The following LUC7L2 variants were observed in gnomAD, a reference collection of about 807,000 sequenced individuals.
LUC7L2 encodes LUC7 like 2, pre-mRNA splicing factor.
In LUC7L2, 25 loss-of-function variants were observed where a neutral mutation model predicts 52.8. The observed-to-expected ratio is 0.47, with a 90% CI of 0.34 to 0.66. The LOEUF (loss-of-function observed/expected upper bound fraction) is 0.66, where lower values mean the gene tolerates loss of function less well. Among genes scored for constraint, LUC7L2 ranks in the 30% least tolerant of loss-of-function variants. The pLI is 0.01. For synonymous variants in LUC7L2, 144 were observed against 160.9 expected (o/e 0.89, Z 0.80); for missense variants, 328 against 497.8 (o/e 0.66, Z 3.25).
At chr7:139,361,621 A>G (rs956943033) in intron 1 of LUC7L2, among the ~76,000 whole-genome samples, 4 of 152,228 alleles carry the variant, frequency 2.6e-5, no homozygotes, top group African/African-American at 7.2e-5. Context: ...TAGAGAGGAA[A>G]GATTGGGAAG....
At chr7:139,374,380 C>T (rs1199110543) in intron 1 of LUC7L2, 1 of 1,537,384 alleles carries the variant, frequency 6.5e-7, no homozygotes, top group Non-Finnish European at 8.8e-7. Flanking sequence ...AACAATCTGG[C>T]CCCTTGTTTT....
rs1799243631 is a variant in LUC7L2, at chr7:139,345,764, T to C, written c.-26+5247T>C. ...GAGAATTGAATAATTTCTATCAATA[T>C]GTATTTATCATTAAATTTTTTTTAA... On this transcript the variant is annotated intron_variant, in intron 1 of 10. Coordinates refer to the LUC7L2 transcript ENST00000541170. The C allele has an allele frequency of 2.0e-6, 3 of 1,478,562 alleles. No homozygotes were observed. In the African/African-American group the frequency reaches 4.3e-5, roughly 21 times the overall value. The allele number at this position is 1,478,562 out of a possible 1,614,324, so 91.6% of individuals were successfully genotyped here.
intron 1 of LUC7L2, among the ~76,000 whole-genome samples, chr7:139,367,462 AGTT>A (rs1171452146): frequency 7.9e-5 from 12 of 152,216 alleles, no homozygotes; most frequent in African/African-American, 2.7e-4. Context: ...AAAAATTAGA[AGTT>A]GTTAAATTTA....
intron 1 of LUC7L2, among the ~76,000 whole-genome samples, chr7:139,365,132 C>T (rs1199575319): frequency 6.6e-6 from 1 of 152,148 alleles, no homozygotes; most frequent in Admixed American, 6.5e-5. Context: ...AAAGCACCTG[C>T]ATAGTGAATC....
intron 5 of LUC7L2, among the ~76,000 whole-genome samples, 173 bp from the exon 6 acceptor site, chr7:139,407,001 G>GTTTTTTTTTTTTT (rs58914782): frequency 1.8e-5 from 2 of 110,456 alleles, no homozygotes; most frequent in Non-Finnish European, 1.9e-5. Context: ...TGCTTTTGTG[G>GTTTTTTTTTTTTT]TTTTTTTTTT....
chr7:139,403,663 G>T (rs1795007712), intron 4 of LUC7L2, among the ~76,000 whole-genome samples: 1 of 152,154 alleles, frequency 6.6e-6, no homozygotes, highest in African/African-American at 2.4e-5. Context: ...CTACACAAAT[G>T]CTGTATAACA....
In LUC7L2 at chr7:139,368,349, T is replaced by G. The variant is rs549600725; in HGVS notation, c.62-7713T>G. ...TTCTGTGATAGTGATTATAGGTGTC[T>G]GCATTTAAAAAAATGTTTTAAAAAG... On this transcript the variant is annotated intron_variant, in intron 1 of 9. Coordinates refer to ENST00000354926, the MANE Select transcript of LUC7L2 (RefSeq NM_016019.5). 6.6e-5 allele frequency among the ~76,000 whole-genome samples: 10 copies of G among 152,358 alleles called. No homozygotes were observed. In the East Asian group the frequency reaches 1.5e-3, roughly 23 times the overall value.
chr7:139,390,557 G>GT (rs528049490), intron 2 of LUC7L2, among the ~76,000 whole-genome samples: 41,740 of 125,096 alleles, frequency 0.33, 9,892 homozygotes, highest in African/African-American at 0.69. Context: ...AGACAATGTA[G>GT]TTTTTTTTTT....
At chr7:139,383,171 A>G (rs999599794) in intron 2 of LUC7L2, among the ~76,000 whole-genome samples, 2 of 152,054 alleles carry the variant, frequency 1.3e-5, no homozygotes, top group Non-Finnish European at 2.9e-5. Context: ...GATGGAGTGC[A>G]GTGGCACGAT....
intron 6 of LUC7L2, among the ~76,000 whole-genome samples, chr7:139,407,561 C>G (rs1795179779): frequency 1.3e-5 from 2 of 152,186 alleles, no homozygotes; most frequent in South Asian, 4.2e-4. Context: ...TTGGGAGTTA[C>G]CATTTTATAT....
At chr7:139,361,147 TAAATA>T (rs1799861787) in intron 1 of LUC7L2, among the ~76,000 whole-genome samples, 1 of 152,262 alleles carries the variant, frequency 6.6e-6, no homozygotes, top group Non-Finnish European at 1.5e-5. Context: ...AGAGAATTTC[TAAATA>T]AAATGATGAA....
chr7:139,365,766 C>T (rs1200283756), intron 1 of LUC7L2, among the ~76,000 whole-genome samples: 1 of 152,164 alleles, frequency 6.6e-6, no homozygotes, highest in Non-Finnish European at 1.5e-5. Flanking sequence ...AGGAAACAAG[C>T]AGTTTGGCAT....
At chr7:139,362,748 C>T (rs932644430) in intron 1 of LUC7L2, among the ~76,000 whole-genome samples, 4 of 151,738 alleles carry the variant, frequency 2.6e-5, no homozygotes, top group Non-Finnish European at 5.9e-5. Context: ...TCTGAAGTGG[C>T]ACAGAGTCCT....
At chr7:139,407,810 T>TA (rs1293559768) in intron 6 of LUC7L2, among the ~76,000 whole-genome samples, 1 of 135,306 alleles carries the variant, frequency 7.4e-6, no homozygotes, top group Non-Finnish European at 1.5e-5. Context: ...AGAAAGGACT[T>TA]ATGAAAAAAT....
At chr7:139,356,794 G>A (rs1484441938), upstream of LUC7L2, among the ~76,000 whole-genome samples, 1 of 152,126 alleles carries the variant, frequency 6.6e-6, no homozygotes, top group Non-Finnish European at 1.5e-5. Context: ...TAGGCCGTGG[G>A]CTGCATTTGG....
intron 1 of LUC7L2, among the ~76,000 whole-genome samples, chr7:139,351,799 T>C (rs184214848): frequency 1.3e-5 from 2 of 152,364 alleles, no homozygotes; most frequent in East Asian, 3.9e-4. Flanking sequence ...CTCTTTCCTA[T>C]TCATTCTTCA....
At position 139,340,977 on chromosome 7, in the gene LUC7L2, A is replaced by T. The variant is rs528297619; in HGVS notation, c.-26+460A>T. 2.0e-5 allele frequency among the ~76,000 whole-genome samples: 3 copies of T among 152,108 alleles called. No homozygotes were observed. The South Asian group carries it at 6.2e-4, about 32-fold the overall frequency. ...AGACGTCAATACGTTGAATTTTGATATCCCTTTTATAAATCATTTAAAAAT... is the reference window on the plus strand; with the variant it reads ...AGACGTCAATACGTTGAATTTTGATTTCCCTTTTATAAATCATTTAAAAAT... On this transcript the variant is annotated intron_variant, in intron 1 of 10. Coordinates refer to the LUC7L2 transcript ENST00000541170.
At chr7:139,384,110 A>G (rs1005746316) in intron 2 of LUC7L2, among the ~76,000 whole-genome samples, 7 of 152,182 alleles carry the variant, frequency 4.6e-5, no homozygotes, top group African/African-American at 1.7e-4. Context: ...AGTATGAAAA[A>G]TCAGTCTGTA....
chr7:139,391,121 G>A (rs1213525979), intron 2 of LUC7L2, among the ~76,000 whole-genome samples: 3 of 152,138 alleles, frequency 2.0e-5, no homozygotes, highest in African/African-American at 7.2e-5. Flanking sequence ...GTGTAGTGTG[G>A]CTGTTCTCTT....
Sources: allele counts gnomAD v4.1 joint callset (sites outside exome capture counted in the v4.1 genomes callset), GRCh38; gene constraint gnomAD v4.1.1; transcripts MANE v1.5; gene names NCBI Gene and HGNC (gene_info 2026-07-23, HGNC 2026-07-21).